The following NFX1 variants were observed in gnomAD, a reference collection of about 807,000 sequenced individuals.
The protein encoded by NFX1 is transcriptional repressor NF-X1.
NFX1 carries 69 observed loss-of-function variants against 137.2 expected under a neutral mutation model. The ratio of observed to expected loss-of-function variants is 0.50; its 90% CI spans 0.41 to 0.61. The LOEUF (loss-of-function observed/expected upper bound fraction) is 0.61. Ranked by LOEUF, NFX1 falls within the 20% of genes least tolerant of loss-of-function variation. NFX1 has a pLI of 0.00. For synonymous variants in NFX1, 495 were observed against 474.1 expected, an observed-to-expected ratio of 1.04 and a Z score of -0.57; for missense variants, 1,167 against 1,391.0, an observed-to-expected ratio of 0.84 and a Z score of 2.56.
chr9:33,327,577 G>A (rs890043445), intron 9 of NFX1, among the ~76,000 whole-genome samples: 1 of 151,664 alleles, frequency 6.6e-6, no homozygotes, highest in Non-Finnish European at 1.5e-5. Context: ...ATGTTGGTCA[G>A]GCTGGTCTCA....
intron 21 of NFX1, 89 bp from the exon 22 acceptor site, chr9:33,366,540 T>G: frequency 6.7e-7 from 1 of 1,486,464 alleles, no homozygotes; most frequent in Non-Finnish European, 9.2e-7. Context: ...CTCTTATTGA[T>G]CCCTGCAATT....
At chr9:33,364,187 ACTC>A in intron 20 of NFX1, 79 bp downstream of exon 20, 3 of 901,704 alleles carry the variant, frequency 3.3e-6, no homozygotes, top group South Asian at 3.5e-5. Context: ...ACTAATATGT[ACTC>A]CTCCTGTGAT....
chr9:33,328,078 A>G (rs534413675), intron 9 of NFX1, among the ~76,000 whole-genome samples: 8 of 152,108 alleles, frequency 5.3e-5, no homozygotes, highest in Non-Finnish European at 1.2e-4. Flanking sequence ...TGGTGCGATC[A>G]CAGTTCACTG....
At chr9:33,298,121 A>G (rs960617577) in intron 2 of NFX1, among the ~76,000 whole-genome samples, 3 of 152,232 alleles carry the variant, frequency 2.0e-5, no homozygotes, top group African/African-American at 7.2e-5. Flanking sequence ...GCACTTAGAT[A>G]TTTAATATGT....
chr9:33,301,561 T>A, intron 3 of NFX1, 140 bp downstream of exon 3: 1 of 761,574 alleles, frequency 1.3e-6, no homozygotes, highest in Non-Finnish European at 2.0e-6. Flanking sequence ...TGATCATGTG[T>A]TTCATATGAC....
rs1484727541 is a variant in NFX1, at chr9:33,295,180, A to G, written c.786A>G (p.Pro262=). The G allele has an allele frequency of 3.1e-6, 5 of 1,614,188 alleles. No individual in the cohort carries two copies. The African/African-American group carries it at 6.7e-5, about 22-fold the overall frequency. The stretch of plus-strand genomic sequence containing the variant: ...GGCCACGACCAGGCAGAAATCCACC[A>G]AAACAGGAGGGCCACCGACATACAA... ...GARPRPGRNP[P]KQEGHRHTNA... Residue 262 remains proline, a synonymous_variant, in exon 2 of 24, where the codon CCA becomes CCG. Transcript: ENST00000379540.
At chr9:33,322,859 A>AACT (rs1488585627) in intron 9 of NFX1, among the ~76,000 whole-genome samples, 1 of 152,214 alleles carries the variant, frequency 6.6e-6, no homozygotes, top group African/African-American at 2.4e-5. Flanking sequence ...AAAGAACAGT[A>AACT]ACTAAACTGT....
chr9:33,352,278 G>C, intron 16 of NFX1: 1 of 406,988 alleles, frequency 2.5e-6, no homozygotes, highest in Non-Finnish European at 4.8e-6. Context: ...GGTTAAGCCT[G>C]GTCTAAAGGA....
At position 33,319,024 on chromosome 9, in the gene NFX1, C is replaced by T. The variant is rs1351355840; in HGVS notation, c.1803C>T (p.Leu601=). 1.2e-6 allele frequency: 2 copies of T among 1,614,244 alleles called. No homozygotes were observed. Among genetic ancestry groups the T allele is most frequent in the South Asian group, 2.2e-5 (2 of 91,088 alleles). ...GTTGCCCCTGTGGCCAAACTCCTCT[C>T]AGCCAATTGCTAGAACTTGGAAGTA... is the stretch of plus-strand genomic sequence containing the variant. ...VRCCPCGQTP[L]SQLLELGSSS... The change falls in exon 9 of 24, where the codon CTC becomes CTT. Residue 601 remains leucine (L), a synonymous_variant. Transcript: ENST00000379540.
intron 13 of NFX1, among the ~76,000 whole-genome samples, 164 bp downstream of exon 13, chr9:33,343,018 G>A (rs925577907): frequency 3.9e-5 from 6 of 152,064 alleles, no homozygotes; most frequent in Non-Finnish European, 8.8e-5. Context: ...ATGCTGTGTT[G>A]TAGTCCCTGA....
In NFX1 at chr9:33,370,342, G is replaced by A. The variant is rs1388365805; in HGVS notation, c.*364G>A. On this transcript the variant is annotated 3_prime_UTR_variant, in exon 24 of 24. Coordinates refer to ENST00000379540, the MANE Select transcript of NFX1 (RefSeq NM_002504.6). The stretch of plus-strand genomic sequence containing the variant: ...ATGCCACTAAGTCATAGCCTCAGTT[G>A]TCCCAGTTATTTGTCCTCCTGAAAA... 1 of 168,978 alleles carries A rather than the reference G, an allele frequency of 5.9e-6. No individual in the cohort carries two copies. The highest frequency in any genetic ancestry group is 1.3e-5 in the Non-Finnish European group (1 of 79,824). The allele number at this position is 168,978 out of a possible 1,614,324, so 10.5% of individuals were successfully genotyped here.
At chr9:33,315,453 G>A (rs1022640375) in intron 7 of NFX1, among the ~76,000 whole-genome samples, 43 of 152,032 alleles carry the variant, frequency 2.8e-4, no homozygotes, top group Admixed American at 1.2e-3. Flanking sequence ...TCTCTCCTTC[G>A]TCTGCCTTTC....
chr9:33,343,552 A>C (rs1823303146), intron 13 of NFX1, among the ~76,000 whole-genome samples: 1 of 152,192 alleles, frequency 6.6e-6, no homozygotes, highest in Admixed American at 6.5e-5. Flanking sequence ...ATAATTATTG[A>C]TATTCTTTGA....
intron 1 of NFX1, among the ~76,000 whole-genome samples, chr9:33,291,857 C>T (rs772856084): frequency 3.9e-5 from 6 of 152,140 alleles, no homozygotes; most frequent in East Asian, 1.9e-4. Context: ...GAGCCAAGAT[C>T]GTGCCACTGC....
Position 33,347,023 on chromosome 9 carries a change from T to G in NFX1, c.2345-15T>G, listed in dbSNP as rs1823446614. The G allele has an allele frequency of 6.2e-7, 1 of 1,600,802 alleles. No individual in the cohort carries two copies. Among genetic ancestry groups the G allele is most frequent in the Non-Finnish European group, 8.6e-7 (1 of 1,169,012 alleles). ...TTTAGAAAGTATTCCTAAAGTTACC[T>G]TTCTCTTTCTGCAGTATATCATTCT... On this transcript the variant is annotated splice_polypyrimidine_tract_variant and intron_variant, in intron 14 of 23. Coordinates refer to ENST00000379540, the MANE Select transcript of NFX1 (RefSeq NM_002504.6).
intron 9 of NFX1, among the ~76,000 whole-genome samples, chr9:33,326,894 C>T (rs1384152498): frequency 6.6e-6 from 1 of 151,984 alleles, no homozygotes; most frequent in Admixed American, 6.6e-5. Flanking sequence ...TAAGGGTAAA[C>T]CTTCTGTATC....
chr9:33,290,842 G>C (rs76248433), intron 1 of NFX1, among the ~76,000 whole-genome samples: 1 of 152,256 alleles, frequency 6.6e-6, no homozygotes, highest in Non-Finnish European at 1.5e-5. Flanking sequence ...GCTGCGAGTC[G>C]ATGTGGGTGC....
chr9:33,335,755 G>A (rs915408371), intron 11 of NFX1, among the ~76,000 whole-genome samples: 1 of 152,054 alleles, frequency 6.6e-6, no homozygotes, highest in African/African-American at 2.4e-5. Flanking sequence ...TATCTGTATG[G>A]ATTTACTATT....
chr9:33,295,029 G>A lies in NFX1; in HGVS notation c.635G>A (p.Gly212Glu). The A allele has an allele frequency of 1.2e-6, 2 of 1,614,170 alleles. No homozygotes were observed. Among genetic ancestry groups the A allele is most frequent in the Non-Finnish European group, 1.7e-6 (2 of 1,180,036 alleles). ...GGACCCGAAAGTACCAAACCTGTGG[G>A]GGTTTTCCACCCTGACTCTTCAGAG... The part of the protein sequence containing the change: ...DAGPESTKPV[G>E]VFHPDSSEAS... The change falls in exon 2 of 24, where the codon GGG becomes GAG. Residue 212 changes from glycine to glutamate, a missense_variant. Gly to Glu is a moderately conservative substitution (Grantham distance 98). This residue lies in a region of NFX1 where 367 missense variants were observed against 386.7 expected (regional missense o/e 0.95). Transcript: ENST00000379540.
Sources: allele counts gnomAD v4.1 joint callset (sites outside exome capture counted in the v4.1 genomes callset), GRCh38; gene constraint gnomAD v4.1.1; regional missense constraint gnomAD v4.1.1; transcripts MANE v1.5; gene names NCBI Gene and HGNC (gene_info 2026-07-23, HGNC 2026-07-21).